Variants in PARD3 observed in about 807,000 individuals in gnomAD.
PARD3 encodes the protein partitioning defective 3 homolog.
PARD3 carries 75 observed loss-of-function variants against 155.4 expected under a neutral mutation model. The ratio of observed to expected loss-of-function variants is 0.48; its 90% CI spans 0.40 to 0.58. PARD3 has a LOEUF of 0.58. Ranked by LOEUF, PARD3 falls within the 20% of genes least tolerant of loss-of-function variation. The probability of loss-of-function intolerance (pLI) is 0.00; values close to 1 mark genes in which losing one functional copy is unlikely to be tolerated. For synonymous variants in PARD3, 576 were observed against 610.5 expected (o/e 0.94, Z 0.83); for missense variants, 1,642 against 1,721.7 (o/e 0.95, Z 0.82).
chr10:34,761,592 G>A (rs1440434444), intron 1 of PARD3, among the ~76,000 whole-genome samples: 2 of 152,168 alleles, frequency 1.3e-5, no homozygotes, highest in Non-Finnish European at 2.9e-5. Context: ...GAGATTTCCA[G>A]TGGCAAATAA....
intron 22 of PARD3, among the ~76,000 whole-genome samples, chr10:34,192,832 T>C (rs1319336147): frequency 6.6e-6 from 1 of 152,210 alleles, no homozygotes; most frequent in Non-Finnish European, 1.5e-5. Context: ...TTTCTATGAA[T>C]GGGATAGAAA....
In PARD3 at chr10:34,788,157, G is replaced by A. The variant is rs536177060; in HGVS notation, c.120+26719C>T. Among the ~76,000 whole-genome samples the A allele has an allele frequency of 2.0e-5, 3 of 152,172 alleles. No individual in the cohort carries two copies. The South Asian group carries it at 6.2e-4, about 32-fold the overall frequency. On this transcript the variant is annotated intron_variant, in intron 1 of 24. Transcript: ENST00000374788. ...CTTACAAGACCACGTGGACAGATAG[G>A]AAGTTATCTAGACATCAGGAAACTT...
At chr10:34,559,416 C>T (rs931823965) in intron 2 of PARD3, among the ~76,000 whole-genome samples, 2 of 142,278 alleles carry the variant, frequency 1.4e-5, no homozygotes, top group Admixed American at 1.5e-4. Flanking sequence ...GAGAAGTGAT[C>T]AGAGATGTTT....
chr10:34,733,635 C>T (rs1321919989), intron 1 of PARD3, among the ~76,000 whole-genome samples: 1 of 152,184 alleles, frequency 6.6e-6, no homozygotes, highest in East Asian at 1.9e-4. Flanking sequence ...AGGCGTGTGC[C>T]ACCAAACCCA....
intron 1 of PARD3, among the ~76,000 whole-genome samples, chr10:34,787,409 G>C (rs188230874): frequency 1.2e-4 from 18 of 152,276 alleles, no homozygotes; most frequent in Non-Finnish European, 4.4e-5. Flanking sequence ...CAAAATGGCA[G>C]AGTCTTAAGG....
chr10:34,269,381 T>C (rs1317510043), intron 22 of PARD3, among the ~76,000 whole-genome samples: 1 of 152,210 alleles, frequency 6.6e-6, no homozygotes, highest in African/African-American at 2.4e-5. Context: ...TGCTTTTTAT[T>C]TGAGTTATAA....
chr10:34,589,014 T>C (rs927412091), intron 2 of PARD3, among the ~76,000 whole-genome samples: 4 of 152,162 alleles, frequency 2.6e-5, no homozygotes, highest in Non-Finnish European at 4.4e-5. Flanking sequence ...AGAAGGTTCA[T>C]TTGGTCCAGC....
intron 5 of PARD3, among the ~76,000 whole-genome samples, chr10:34,418,237 T>G (rs928292246): frequency 6.6e-6 from 1 of 152,178 alleles, no homozygotes; most frequent in African/African-American, 2.4e-5. Context: ...TGCAGTGGCT[T>G]GATCTTAGCT....
chr10:34,796,661 C>A (rs1464556062), intron 1 of PARD3, among the ~76,000 whole-genome samples: 1 of 152,184 alleles, frequency 6.6e-6, no homozygotes, highest in Non-Finnish European at 1.5e-5. Flanking sequence ...CAAAGAACTG[C>A]ACTTTGCAGC....
chr10:34,395,829 G>C (rs555470508), intron 7 of PARD3, among the ~76,000 whole-genome samples: 1 of 23,748 alleles, frequency 4.2e-5, no homozygotes, highest in East Asian at 7.7e-4. Context: ...GGGCGACAGA[G>C]CGAGACTCCG....
At chr10:34,626,896 G>A (rs1424662189) in intron 2 of PARD3, among the ~76,000 whole-genome samples, 1 of 152,192 alleles carries the variant, frequency 6.6e-6, no homozygotes, top group Non-Finnish European at 1.5e-5. Flanking sequence ...CATAAGCCCA[G>A]GCGATCGTGT....
chr10:34,399,941 C>CCAATG (rs1843717748), intron 6 of PARD3, among the ~76,000 whole-genome samples: 1 of 152,170 alleles, frequency 6.6e-6, no homozygotes, highest in Non-Finnish European at 1.5e-5. Flanking sequence ...TTCCAATAAT[C>CCAATG]CAATGAGACC....
chr10:34,650,707 A>C (rs778672136), intron 2 of PARD3, among the ~76,000 whole-genome samples: 1 of 152,148 alleles, frequency 6.6e-6, no homozygotes, highest in Non-Finnish European at 1.5e-5. Context: ...AAAAACCAAA[A>C]AGTGCAAAAA....
chr10:34,530,320 C>A (rs955956403), intron 2 of PARD3, among the ~76,000 whole-genome samples: 1 of 152,100 alleles, frequency 6.6e-6, no homozygotes, highest in Non-Finnish European at 1.5e-5. Flanking sequence ...GTACACATAT[C>A]ACAGAAGGGT....
At chr10:34,241,789 C>A (rs1315647844) in intron 22 of PARD3, among the ~76,000 whole-genome samples, 2 of 152,126 alleles carry the variant, frequency 1.3e-5, no homozygotes, top group Non-Finnish European at 2.9e-5. Flanking sequence ...AAGAAATGGA[C>A]CCAGAAGTCC....
At chr10:34,624,417 C>G (rs1222493926) in intron 2 of PARD3, among the ~76,000 whole-genome samples, 1 of 152,220 alleles carries the variant, frequency 6.6e-6, no homozygotes, top group Non-Finnish European at 1.5e-5. Flanking sequence ...TCTTTTCAGA[C>G]AAATCGATTT....
chr10:34,347,033 A>G (rs1212655732), intron 15 of PARD3, among the ~76,000 whole-genome samples: 1 of 152,238 alleles, frequency 6.6e-6, no homozygotes, highest in African/African-American at 2.4e-5. Flanking sequence ...ACACCCACTG[A>G]TGAATAAATT....
chr10:34,736,601 G>T (rs1472936354), intron 1 of PARD3, among the ~76,000 whole-genome samples: 1 of 151,946 alleles, frequency 6.6e-6, no homozygotes, highest in Non-Finnish European at 1.5e-5. Context: ...CAACTACACT[G>T]AAGAAAGAGT....
chr10:34,154,175 A>C (rs1948895084), intron 22 of PARD3, among the ~76,000 whole-genome samples: 1 of 152,232 alleles, frequency 6.6e-6, no homozygotes, highest in Non-Finnish European at 1.5e-5. Flanking sequence ...TAAAGCAATT[A>C]GAGTTTTCTG....
Sources: gnomAD v4.1 joint callset for allele counts (sites outside exome capture counted in the v4.1 genomes callset) on GRCh38, gnomAD v4.1.1 for gene constraint, MANE v1.5 for transcripts, NCBI Gene and HGNC (gene_info 2026-07-23, HGNC 2026-07-21) for gene names.